The following ANAPC7 variants were observed in gnomAD, a reference collection of about 807,000 sequenced individuals.
The protein encoded by ANAPC7 is anaphase-promoting complex subunit 7.
A neutral mutation model predicts 63.3 loss-of-function variants in ANAPC7; 25 were observed. That is an observed-to-expected ratio of 0.39 (90% CI 0.29 to 0.55). The LOEUF is 0.55. Ranked by LOEUF, ANAPC7 falls within the 20% of genes least tolerant of loss-of-function variation. The pLI, the probability that ANAPC7 is intolerant of heterozygous loss-of-function variation, is 0.57. For missense variants in ANAPC7, 516 were observed against 691.7 expected (o/e 0.75, Z 2.85); for synonymous variants, 241 against 251.7 (o/e 0.96, Z 0.40).
At position 110,400,797 on chromosome 12, in the gene ANAPC7, G is replaced by A. The variant is rs546955891; in HGVS notation, c.101+2730C>T. On this transcript the variant is annotated intron_variant, in intron 1 of 10. Transcript: ENST00000455511. ...TCGGTGGCTCACGCCTGCAATCCAAGCACTTTGGGAGGCCTAAGTCATGGG... is the reference window on the plus strand; with the variant it reads ...TCGGTGGCTCACGCCTGCAATCCAAACACTTTGGGAGGCCTAAGTCATGGG... 2.6e-5 allele frequency among the ~76,000 whole-genome samples: 4 copies of A among 151,714 alleles called. No individual in the cohort carries two copies. In the South Asian group the frequency reaches 8.3e-4, roughly 32 times the overall value.
chr12:110,382,832 C>A lies in ANAPC7; in HGVS notation c.935+11G>T. 1 of 1,596,924 alleles carries A rather than the reference C, an allele frequency of 6.3e-7. No homozygotes were observed. The highest frequency in any genetic ancestry group is 8.6e-7 in the Non-Finnish European group (1 of 1,166,162). On this transcript the variant is annotated intron_variant, in intron 7 of 10. Coordinates refer to ENST00000455511, the MANE Select transcript of ANAPC7 (RefSeq NM_016238.3). Reference sequence around the variant, plus strand: ...TGACAACTGGGGAGAAAAGAGAATGCATAATCATACCCAGAAACCACCCAC... The same window carrying A: ...TGACAACTGGGGAGAAAAGAGAATGAATAATCATACCCAGAAACCACCCAC...
At chr12:110,394,749 G>A (rs923056657) in intron 3 of ANAPC7, among the ~76,000 whole-genome samples, 1 of 151,532 alleles carries the variant, frequency 6.6e-6, no homozygotes, top group African/African-American at 2.4e-5. Context: ...GGGAGGCTGA[G>A]GTGGGAGGAT....
chr12:110,380,374 C>T (rs1356631369), intron 8 of ANAPC7, among the ~76,000 whole-genome samples: 1 of 149,446 alleles, frequency 6.7e-6, no homozygotes, highest in Middle Eastern at 3.4e-3. Flanking sequence ...AAAAATAGGC[C>T]GGTTGTGGTG....
intron 10 of ANAPC7, chr12:110,375,819 T>C: frequency 8.5e-7 from 1 of 1,178,728 alleles, no homozygotes; most frequent in Non-Finnish European, 1.0e-6. Flanking sequence ...GCTATACAAA[T>C]GAACACAGAT....
intron 6 of ANAPC7, among the ~76,000 whole-genome samples, chr12:110,385,059 T>C (rs1882332840): frequency 6.6e-6 from 1 of 151,542 alleles, no homozygotes; most frequent in Non-Finnish European, 1.5e-5. Flanking sequence ...AGGTCAGGAG[T>C]TGCAGACCAG....
intron 3 of ANAPC7, among the ~76,000 whole-genome samples, chr12:110,392,241 T>C (rs1169004300): frequency 6.6e-6 from 1 of 152,030 alleles, no homozygotes; most frequent in African/African-American, 2.4e-5. Flanking sequence ...GTATACAGCA[T>C]CCAGGCTTAT....
chr12:110,382,695 A>C (rs1017063372), intron 7 of ANAPC7, 148 bp downstream of exon 7: 9 of 609,312 alleles, frequency 1.5e-5, no homozygotes, highest in Non-Finnish European at 2.5e-5. Flanking sequence ...TCAGTCTCCC[A>C]AAGTGTTGAG....
Position 110,374,267 on chromosome 12 carries a change from C to G in ANAPC7, c.1575G>C (p.Thr525=). The G allele has an allele frequency of 1.2e-6, 2 of 1,614,170 alleles. No homozygotes were observed. Among genetic ancestry groups the G allele is most frequent in the Middle Eastern group, 3.3e-4 (2 of 6,060 alleles). The part of the protein sequence containing the change: ...MQKMEKEESP[T]DATQEEDVDD... ...CCACATCCTCCTCCTGAGTGGCATC[C>G]GTGGGACTCTCCTCCTTCTCCATCT... The change falls in exon 11 of 11, where the codon ACG becomes ACC. Residue 525 remains threonine (T), a synonymous_variant. Transcript: ENST00000455511.
chr12:110,375,769 C>A (rs1881210475), intron 10 of ANAPC7: 7 of 1,052,968 alleles, frequency 6.6e-6, no homozygotes, highest in Middle Eastern at 4.3e-4. Flanking sequence ...TAGGTACAGC[C>A]CTATAAAAAT....
intron 10 of ANAPC7, among the ~76,000 whole-genome samples, chr12:110,374,951 T>C (rs1005867958): frequency 3.4e-5 from 5 of 149,246 alleles, no homozygotes; most frequent in Non-Finnish European, 7.4e-5. Flanking sequence ...CTCTAGAACA[T>C]TCATTTATTT....
At chr12:110,381,526 G>A (rs572362534) in intron 8 of ANAPC7, among the ~76,000 whole-genome samples, 3 of 152,006 alleles carry the variant, frequency 2.0e-5, no homozygotes, top group African/African-American at 7.2e-5. Flanking sequence ...TAGTAGAGAC[G>A]GGGTTTCACC....
chr12:110,382,857 C>T lies in ANAPC7; in HGVS notation c.921G>A (p.Pro307=), dbSNP rs1162843982. ...LFNISDQHAE[P]WVVSGCHSFY... ...CATAATCATACCCAGAAACCACCCA[C>T]GGTTCTGCATGCTGATCAGAGATAT... Residue 307 remains proline (P), a synonymous_variant, in exon 7 of 11, where the codon CCG becomes CCA. Transcript: ENST00000455511. The T allele has an allele frequency of 2.5e-6, 4 of 1,612,990 alleles. No homozygotes were observed. The highest frequency in any genetic ancestry group is 2.7e-5 in the African/African-American group (2 of 74,890).
At chr12:110,376,384 A>G (rs573912319) in intron 9 of ANAPC7, among the ~76,000 whole-genome samples, 168 bp from the exon 10 acceptor site, 1 of 152,090 alleles carries the variant, frequency 6.6e-6, no homozygotes, top group East Asian at 1.9e-4. Flanking sequence ...CCTGGCTAAC[A>G]CAGTGAAACC....
At chr12:110,374,953 CATTT>C (rs1279395020) in intron 10 of ANAPC7, among the ~76,000 whole-genome samples, 1 of 151,844 alleles carries the variant, frequency 6.6e-6, no homozygotes, top group Non-Finnish European at 1.5e-5. Flanking sequence ...CTAGAACATT[CATTT>C]ATTTGCCTCC....
At chr12:110,375,451 C>G (rs1452022282) in intron 10 of ANAPC7, 3 of 985,228 alleles carry the variant, frequency 3.0e-6, no homozygotes, top group Non-Finnish European at 3.6e-6. Flanking sequence ...ACACAGACAA[C>G]CCTCAAAGAA....
chr12:110,391,928 C>T (rs1306097886), intron 3 of ANAPC7, among the ~76,000 whole-genome samples: 1 of 151,864 alleles, frequency 6.6e-6, no homozygotes, highest in South Asian at 2.1e-4. Context: ...CCCGTCTCCA[C>T]TAAAATGCAA....
At chr12:110,396,753 G>C (rs1040489545) in intron 1 of ANAPC7, among the ~76,000 whole-genome samples, 2 of 151,680 alleles carry the variant, frequency 1.3e-5, no homozygotes, top group African/African-American at 4.8e-5. Context: ...GACCTCAAGT[G>C]ATCTACCTGC....
At chr12:110,397,822 G>A (rs1257126799) in intron 1 of ANAPC7, among the ~76,000 whole-genome samples, 1 of 152,024 alleles carries the variant, frequency 6.6e-6, no homozygotes, top group African/African-American at 2.4e-5. Flanking sequence ...TTGAACCCGG[G>A]AGGCAGAGGT....
At chr12:110,398,388 G>T (rs1182561098) in intron 1 of ANAPC7, among the ~76,000 whole-genome samples, 1 of 151,578 alleles carries the variant, frequency 6.6e-6, no homozygotes, top group Non-Finnish European at 1.5e-5. Context: ...TTGTACACCA[G>T]CCTGGGCAAC....
Sources: allele counts gnomAD v4.1 joint callset (sites outside exome capture counted in the v4.1 genomes callset), GRCh38; gene constraint gnomAD v4.1.1; transcripts MANE v1.5; gene names NCBI Gene and HGNC (gene_info 2026-07-23, HGNC 2026-07-21).